The following EPB41 variants were observed in gnomAD, a reference collection of about 807,000 sequenced individuals.
EPB41 encodes the protein protein 4.1.
A neutral mutation model predicts 108.0 loss-of-function variants in EPB41; 65 were observed. That is an observed-to-expected ratio of 0.60 (90% CI 0.49 to 0.74). EPB41 has a LOEUF of 0.74. Ranked by LOEUF, EPB41 falls within the 30% of genes least tolerant of loss-of-function variation. The pLI is 0.00. For synonymous variants in EPB41, 336 were observed against 358.9 expected, an observed-to-expected ratio of 0.94 and a Z score of 0.72; for missense variants, 875 against 1,037.0, an observed-to-expected ratio of 0.84 and a Z score of 2.15.
At position 28,887,183 on chromosome 1, in the gene EPB41, G is replaced by T; in HGVS notation, c.-35G>T. The T allele has an allele frequency of 8.1e-7, 1 of 1,237,870 alleles. No individual in the cohort carries two copies. The highest frequency in any genetic ancestry group is 1.3e-5 in the South Asian group (1 of 79,772). 76.7% of individuals were successfully genotyped at this position (1,237,870 alleles called of 1,614,324 possible). Reference sequence around the variant, plus strand: ...AGCGGCGCGGAGCCAGAACGCGGTCGGCCCGGTCCCCGCCGCACCCAGCCC... The same window carrying T: ...AGCGGCGCGGAGCCAGAACGCGGTCTGCCCGGTCCCCGCCGCACCCAGCCC... On this transcript the variant is annotated 5_prime_UTR_variant, in exon 1 of 17. Transcript: ENST00000347529. The surrounding 1 kb of genome is among the most constrained non-coding windows in gnomAD (Gnocchi z 4.9).
At position 29,096,201 on chromosome 1, in the gene EPB41, G is replaced by A. The variant is rs1312312405; in HGVS notation, c.2185-1606G>A. The stretch of plus-strand genomic sequence containing the variant: ...GAGGAGGTGGCTGTCGTGACAAAGG[G>A]GCCATCTACTAACCCTGACTCTGAA... On this transcript the variant is annotated intron_variant, in intron 16 of 20. Transcript: ENST00000343067. 4.1e-6 allele frequency: 4 copies of A among 985,784 alleles called. No homozygotes were observed. The African/African-American group carries it at 7.0e-5, about 17-fold the overall frequency. 61.1% of individuals were successfully genotyped at this position (985,784 alleles called of 1,614,324 possible).
chr1:28,958,301 T>G (rs1268332259), intron 1 of EPB41, among the ~76,000 whole-genome samples: 1 of 152,124 alleles, frequency 6.6e-6, no homozygotes, highest in Non-Finnish European at 1.5e-5. Context: ...ATACAAAGAT[T>G]AGCCGGGTAT....
intron 16 of EPB41, among the ~76,000 whole-genome samples, chr1:29,080,733 C>A (rs981455936): frequency 6.6e-6 from 1 of 152,192 alleles, no homozygotes; most frequent in Non-Finnish European, 1.5e-5. Context: ...ATGTTTCTTT[C>A]ATTTCCCTTG....
intron 10 of EPB41, among the ~76,000 whole-genome samples, chr1:29,037,830 G>C (rs1640076999): frequency 2.0e-5 from 3 of 152,032 alleles, no homozygotes; most frequent in African/African-American, 7.2e-5. Flanking sequence ...CACTGCACTC[G>C]GCCCAGTTTG....
At position 29,028,885 on chromosome 1, in the gene EPB41, TAAG is replaced by T. The variant is rs1002082519; in HGVS notation, c.1125-1512_1125-1510del. On this transcript the variant is annotated intron_variant, in intron 7 of 20. Coordinates refer to ENST00000343067, the MANE Select transcript of EPB41 (RefSeq NM_001376013.1). ...ACTGAGACCCCCTCTGTACGAAAAA[TAAG>T]AAAACTAGCTGGACATGGTGGCATG... 7.3e-5 allele frequency among the ~76,000 whole-genome samples: 11 copies of T among 151,410 alleles called. 1 individual carries two copies. In the Middle Eastern group the frequency reaches 0.017, roughly 234 times the overall value.
intron 11 of EPB41, among the ~76,000 whole-genome samples, chr1:29,046,027 T>A (rs965320606): frequency 7.9e-5 from 12 of 152,074 alleles, no homozygotes; most frequent in Non-Finnish European, 1.8e-4. Flanking sequence ...CTAAATTTTT[T>A]ATTTTTTGTT....
intron 1 of EPB41, among the ~76,000 whole-genome samples, chr1:28,917,506 C>T (rs1309070814): frequency 6.6e-6 from 1 of 151,932 alleles, no homozygotes; most frequent in African/African-American, 2.4e-5. Context: ...GTCTCGATTT[C>T]TTGACCTCGT....
At chr1:29,015,547 C>G (rs1428793033) in intron 5 of EPB41, 145 bp from the exon 6 acceptor site, 1 of 615,488 alleles carries the variant, frequency 1.6e-6, no homozygotes, top group South Asian at 2.0e-5. Flanking sequence ...GCACTCCAGC[C>G]TGGGCAACAA....
intron 1 of EPB41, among the ~76,000 whole-genome samples, chr1:28,976,554 A>G (rs1377471026): frequency 1.3e-5 from 2 of 151,902 alleles, no homozygotes; most frequent in African/African-American, 2.4e-5. Context: ...AGGCCTTTCT[A>G]TGTTGCCTAG....
intron 7 of EPB41, among the ~76,000 whole-genome samples, chr1:29,022,540 G>A (rs1332333324): frequency 2.0e-5 from 3 of 152,026 alleles, no homozygotes; most frequent in African/African-American, 2.4e-5. Context: ...GGCCAATATG[G>A]TGAAACCCTG....
intron 1 of EPB41, among the ~76,000 whole-genome samples, chr1:28,959,605 A>G (rs1173932871): frequency 6.6e-6 from 1 of 152,210 alleles, no homozygotes; most frequent in African/African-American, 2.4e-5. Flanking sequence ...AAACATTTAT[A>G]GCAGGAGGGA....
intron 12 of EPB41, 152 bp downstream of exon 12, chr1:29,053,464 C>T: frequency 1.1e-6 from 1 of 876,506 alleles, no homozygotes; most frequent in Non-Finnish European, 1.9e-6. Flanking sequence ...CTCCCATGAA[C>T]CTATAAAATA....
At chr1:29,111,438 C>T (rs997054141) in intron 18 of EPB41, among the ~76,000 whole-genome samples, 4 of 151,846 alleles carry the variant, frequency 2.6e-5, no homozygotes, top group South Asian at 4.1e-4. Context: ...GGGCAGATCA[C>T]GAGGTCAAGA....
chr1:29,057,788 T>C (rs1645810914), intron 12 of EPB41, among the ~76,000 whole-genome samples: 1 of 152,194 alleles, frequency 6.6e-6, no homozygotes, highest in Admixed American at 6.5e-5. Flanking sequence ...ACTAAAGGTA[T>C]TTCAAAGCTA....
At chr1:29,016,587 C>G (rs894248497) in intron 6 of EPB41, among the ~76,000 whole-genome samples, 1 of 152,060 alleles carries the variant, frequency 6.6e-6, no homozygotes, top group African/African-American at 2.4e-5. Flanking sequence ...AGTACTTAAT[C>G]CCCTGAACTG....
intron 17 of EPB41, among the ~76,000 whole-genome samples, chr1:29,098,487 G>A (rs545595): frequency 0.66 from 100,564 of 152,062 alleles, 35,385 homozygotes; most frequent in Non-Finnish European, 0.79. Flanking sequence ...GAGCCACCAC[G>A]CCTGGCCTAA....
chr1:29,029,787 A>G lies in EPB41; in HGVS notation c.1125-613A>G, dbSNP rs531017319. 8.5e-5 allele frequency among the ~76,000 whole-genome samples: 13 copies of G among 152,282 alleles called. No homozygotes were observed. In the East Asian group the frequency reaches 2.5e-3, roughly 29 times the overall value. On this transcript the variant is annotated intron_variant, in intron 7 of 20. Transcript: ENST00000343067. ...TATTAATAACAGAGAAAACAGCCCCATTATCTATGTGCTTCCGTGAACCAG... is the reference window on the plus strand; with the variant it reads ...TATTAATAACAGAGAAAACAGCCCCGTTATCTATGTGCTTCCGTGAACCAG...
chr1:28,920,679 A>G (rs2093007552), intron 1 of EPB41, among the ~76,000 whole-genome samples: 1 of 152,078 alleles, frequency 6.6e-6, no homozygotes, highest in African/African-American at 2.4e-5. Flanking sequence ...TACTCCTGTC[A>G]CCCAGGCTGG....
intron 1 of EPB41, among the ~76,000 whole-genome samples, chr1:28,925,026 C>T (rs948476676): frequency 5.7e-4 from 86 of 149,688 alleles, no homozygotes; most frequent in African/African-American, 2.0e-3. Context: ...AGTGCAGTAG[C>T]GCGATCTCGG....
Sources: gnomAD v4.1 joint callset for allele counts (sites outside exome capture counted in the v4.1 genomes callset) on GRCh38, gnomAD v4.1.1 for gene constraint, Gnocchi (gnomAD v3.1) non-coding constraint, MANE v1.5 for transcripts, NCBI Gene and HGNC (gene_info 2026-07-23, HGNC 2026-07-21) for gene names.